VEPH1: variants seen among roughly 807,000 people sequenced by gnomAD.
The protein encoded by VEPH1 is ventricular zone expressed PH domain containing 1, also known as ventricular zone-expressed PH domain-containing protein homolog 1.
VEPH1 carries 80 observed loss-of-function variants against 85.2 expected under a neutral mutation model. The ratio of observed to expected loss-of-function variants is 0.94; its 90% CI spans 0.78 to 1.13. VEPH1 has a LOEUF of 1.13. Ranked by LOEUF, VEPH1 falls within the 50% of genes most tolerant of loss-of-function variation. The pLI, the probability that VEPH1 is intolerant of heterozygous loss-of-function variation, is 0.00. For missense variants in VEPH1, 955 were observed against 980.5 expected, an observed-to-expected ratio of 0.97 and a Z score of 0.35; for synonymous variants, 297 against 348.0, an observed-to-expected ratio of 0.85 and a Z score of 1.63.
At chr3:157,438,037 G>GCGCA (rs1553786688) in intron 4 of VEPH1, 8,326 of 514,212 alleles carry the variant, frequency 0.016, 28 homozygotes, top group Admixed American at 0.025. Context: ...GCGCGCGCGC[G>GCGCA]CACACACACA....
intron 12 of VEPH1, among the ~76,000 whole-genome samples, chr3:157,268,568 A>T (rs1352136180): frequency 1.3e-5 from 2 of 152,178 alleles, no homozygotes; most frequent in Non-Finnish European, 1.5e-5. Context: ...TTAGATTTGA[A>T]TCCTCTAAAT....
Position 157,260,990 on chromosome 3 carries a change from A to T in VEPH1, c.*144T>A. The T allele has an allele frequency of 8.9e-7, 1 of 1,124,662 alleles. No homozygotes were observed. Among genetic ancestry groups the T allele is most frequent in the Non-Finnish European group, 1.3e-6 (1 of 790,250 alleles). The allele number at this position is 1,124,662 out of a possible 1,614,324, so 69.7% of individuals were successfully genotyped here. A position where few individuals can be genotyped will look rare whatever the true frequency, so the allele number is the denominator to read the frequency against. On this transcript the variant is annotated 3_prime_UTR_variant, in exon 14 of 14. Coordinates refer to ENST00000362010, the MANE Select transcript of VEPH1 (RefSeq NM_001167912.2). ...CATTTACTAAGAATCCTGCCATTTTAGGCCCTTCTTCTTAAAGGACAACAA... is the reference window on the plus strand; with the variant it reads ...CATTTACTAAGAATCCTGCCATTTTTGGCCCTTCTTCTTAAAGGACAACAA...
chr3:157,262,658 T>C (rs1367526289), intron 13 of VEPH1, among the ~76,000 whole-genome samples: 1 of 152,210 alleles, frequency 6.6e-6, no homozygotes, highest in East Asian at 1.9e-4. Context: ...TTACATTTAA[T>C]GGAGAGATGT....
intron 9 of VEPH1, among the ~76,000 whole-genome samples, chr3:157,327,626 T>C (rs570604216): frequency 5.9e-5 from 9 of 151,810 alleles, no homozygotes; most frequent in Admixed American, 3.9e-4. Flanking sequence ...CAGCAAAGGG[T>C]AGAGGATGGG....
At position 157,425,140 on chromosome 3, in the gene VEPH1, C is replaced by G. The variant is rs567969011; in HGVS notation, c.696+3182G>C. On this transcript the variant is annotated intron_variant, in intron 5 of 13. Coordinates refer to ENST00000362010, the MANE Select transcript of VEPH1 (RefSeq NM_001167912.2). The stretch of plus-strand genomic sequence containing the variant: ...AAAGGGGCCAAAGTACAGCTCGGGC[C>G]ATGACTTCAGAAGGTGTAAACCCCA... Among the ~76,000 whole-genome samples the G allele has an allele frequency of 2.4e-4, 36 of 152,320 alleles. No homozygotes were observed. In the South Asian group the frequency reaches 7.2e-3, roughly 31 times the overall value.
At chr3:157,448,190 A>T (rs1360533156) in intron 4 of VEPH1, among the ~76,000 whole-genome samples, 1 of 152,192 alleles carries the variant, frequency 6.6e-6, no homozygotes, top group East Asian at 1.9e-4. Flanking sequence ...CACACAGAGA[A>T]AAAATGAGCT....
At chr3:157,454,691 T>C (rs890922976) in intron 4 of VEPH1, among the ~76,000 whole-genome samples, 15 of 152,148 alleles carry the variant, frequency 9.9e-5, no homozygotes, top group African/African-American at 3.4e-4. Context: ...TGGGGTACAA[T>C]TGAACCCATC....
chr3:157,444,426 A>G (rs767474069), intron 4 of VEPH1, among the ~76,000 whole-genome samples: 5 of 152,234 alleles, frequency 3.3e-5, no homozygotes, highest in Non-Finnish European at 5.9e-5. Context: ...TGTTCATCAT[A>G]TAAGTATAGC....
intron 6 of VEPH1, among the ~76,000 whole-genome samples, chr3:157,403,752 A>G (rs955879472): frequency 2.6e-5 from 4 of 152,172 alleles, no homozygotes; most frequent in African/African-American, 9.7e-5. Flanking sequence ...ACATAAAAAC[A>G]AGTGGGTCTT....
At chr3:157,321,917 A>G (rs1470549060) in intron 9 of VEPH1, among the ~76,000 whole-genome samples, 3 of 152,194 alleles carry the variant, frequency 2.0e-5, no homozygotes, top group Non-Finnish European at 2.9e-5. Flanking sequence ...TATAAAACAT[A>G]TAATTTATGT....
chr3:157,343,319 A>G (rs1723803766), intron 9 of VEPH1, among the ~76,000 whole-genome samples: 1 of 152,208 alleles, frequency 6.6e-6, no homozygotes, highest in Non-Finnish European at 1.5e-5. Context: ...AATCAAATAG[A>G]AGCAATAAAA....
At chr3:157,265,937 T>A (rs1252368208) in intron 12 of VEPH1, among the ~76,000 whole-genome samples, 1 of 151,656 alleles carries the variant, frequency 6.6e-6, no homozygotes, top group Non-Finnish European at 1.5e-5. Context: ...AAAGTTTATC[T>A]GGATATTTAG....
At chr3:157,272,395 C>CTTTCTTTCTTTCTTTCTTTCTTTCTTT (rs1714787382) in intron 12 of VEPH1, among the ~76,000 whole-genome samples, 1 of 132,026 alleles carries the variant, frequency 7.6e-6, no homozygotes, top group Non-Finnish European at 1.6e-5. Context: ...TTCTTTCTTT[C>CTTTCTTTCTTTCTTTCTTTCTTTCTTT]TTTCTTTCTT....
intron 9 of VEPH1, among the ~76,000 whole-genome samples, chr3:157,334,660 A>C (rs1170073586): frequency 6.6e-6 from 1 of 152,264 alleles, no homozygotes; most frequent in African/African-American, 2.4e-5. Context: ...CTTAAAAAAG[A>C]GATGTCAGAA....
intron 2 of VEPH1, among the ~76,000 whole-genome samples, chr3:157,494,441 CAAG>C (rs1278709915): frequency 2.6e-5 from 4 of 152,162 alleles, no homozygotes; most frequent in African/African-American, 9.7e-5. Flanking sequence ...CAAGTACAAT[CAAG>C]AAGGTCAACA....
At chr3:157,395,296 G>T (rs1313558342) in intron 6 of VEPH1, among the ~76,000 whole-genome samples, 6 of 152,154 alleles carry the variant, frequency 3.9e-5, no homozygotes, top group African/African-American at 1.4e-4. Context: ...AATGGAAGTG[G>T]TCCAATGTAA....
intron 3 of VEPH1, among the ~76,000 whole-genome samples, chr3:157,468,634 A>G (rs74858488): frequency 0.011 from 1,627 of 152,218 alleles, 19 homozygotes; most frequent in African/African-American, 0.036. Flanking sequence ...AATAAATTTT[A>G]AAAATTGCTA....
chr3:157,466,686 G>A (rs1037138619), intron 3 of VEPH1, among the ~76,000 whole-genome samples: 9 of 152,136 alleles, frequency 5.9e-5, no homozygotes, highest in East Asian at 1.9e-4. Flanking sequence ...CAAATGACAC[G>A]GAAGCCTTCA....
chr3:157,388,985 A>C (rs1254898159), intron 6 of VEPH1, among the ~76,000 whole-genome samples: 1 of 152,160 alleles, frequency 6.6e-6, no homozygotes, highest in Admixed American at 6.5e-5. Flanking sequence ...TGGGAATAAC[A>C]AGTAGCTATG....
Sources: gnomAD v4.1 joint callset for allele counts (sites outside exome capture counted in the v4.1 genomes callset) on GRCh38, gnomAD v4.1.1 for gene constraint, MANE v1.5 for transcripts, NCBI Gene and HGNC (gene_info 2026-07-23, HGNC 2026-07-21) for gene names.